DIP2C: variants seen among roughly 807,000 people sequenced by gnomAD.
DIP2C encodes the protein disco-interacting protein 2 homolog C.
In DIP2C, 33 loss-of-function variants were observed where a neutral mutation model predicts 192.4. That is an observed-to-expected ratio of 0.17 (90% CI 0.13 to 0.23). The LOEUF (loss-of-function observed/expected upper bound fraction) is 0.23, where lower values mean the gene tolerates loss of function less well. Ranked by LOEUF, DIP2C falls within the 10% of genes least tolerant of loss-of-function variation. The pLI, the probability that DIP2C is intolerant of heterozygous loss-of-function variation, is 1.00. For synonymous variants in DIP2C, 979 were observed against 864.1 expected (o/e 1.13, Z -2.33); for missense variants, 1,537 against 2,110.1 (o/e 0.73, Z 5.32).
rs140637166 is a variant in DIP2C, at chr10:297,241, T to TACACACACACACACACACACAC, written c.3987-8842_3987-8821dup. ...ACCAACCCCCCCCCACCCCACCACA[T>TACACACACACACACACACACAC]ACACACACACACACACACACACACA... is the stretch of plus-strand genomic sequence containing the variant. On this transcript the variant is annotated intron_variant, in intron 32 of 36. Transcript: ENST00000280886. Among the ~76,000 whole-genome samples, 23 of 115,550 alleles carry TACACACACACACACACACACAC rather than the reference T, an allele frequency of 2.0e-4. 1 individual carries two copies. Among genetic ancestry groups the TACACACACACACACACACACAC allele is most frequent in the African/African-American group, 7.9e-4 (23 of 29,202 alleles). 75.8% of individuals were successfully genotyped at this position (115,550 alleles called of 152,430 possible).
intron 3 of DIP2C, among the ~76,000 whole-genome samples, chr10:466,109 G>A (rs1386068879): frequency 4.1e-5 from 6 of 147,542 alleles, no homozygotes; most frequent in African/African-American, 1.5e-4. Flanking sequence ...GAACAAAGCT[G>A]GAGGCATCAC....
chr10:629,986 A>C (rs915601469), intron 1 of DIP2C: 3 of 152,238 alleles, frequency 2.0e-5, no homozygotes, highest in Admixed American at 6.5e-5. Context: ...CCTATTCCCC[A>C]CAGTGTCCCC....
At chr10:348,551 G>A (rs1958632093) in intron 26 of DIP2C, 90 bp downstream of exon 26, 1 of 1,542,012 alleles carries the variant, frequency 6.5e-7, no homozygotes, top group African/African-American at 1.4e-5. Context: ...ACAGCCAGCA[G>A]CTGCCCCAAG....
rs569594986 is a variant in DIP2C at position 527,032 on chromosome 10, A to G, written c.86-40502T>C. Reference sequence around the variant, plus strand: ...GGTAAGGGCAGCCGTCCTGGGGGACAGCTGTCTGCAGTGAGCCACCACACA... The same window carrying G: ...GGTAAGGGCAGCCGTCCTGGGGGACGGCTGTCTGCAGTGAGCCACCACACA... On this transcript the variant is annotated intron_variant, in intron 1 of 36. Coordinates refer to ENST00000280886, the MANE Select transcript of DIP2C (RefSeq NM_014974.3). Among the ~76,000 whole-genome samples, 7 of 152,318 alleles carry G rather than the reference A, an allele frequency of 4.6e-5. No individual in the cohort carries two copies. The South Asian group carries it at 1.2e-3, about 27-fold the overall frequency.
chr10:495,664 C>T (rs1166786371), intron 1 of DIP2C, among the ~76,000 whole-genome samples: 1 of 152,074 alleles, frequency 6.6e-6, no homozygotes, highest in African/African-American at 2.4e-5. Context: ...CTGTGATGCT[C>T]AAGTCCCTGA....
intron 17 of DIP2C, among the ~76,000 whole-genome samples, chr10:377,821 G>A (rs969530776): frequency 3.9e-5 from 6 of 152,128 alleles, no homozygotes; most frequent in East Asian, 1.9e-4. Context: ...TGGTGACAAG[G>A]GGGTATTTTA....
At chr10:339,461 C>G (rs892613692) in intron 29 of DIP2C, among the ~76,000 whole-genome samples, 2 of 150,694 alleles carry the variant, frequency 1.3e-5, no homozygotes, top group Non-Finnish European at 3.0e-5. Context: ...ATTGTGGGTT[C>G]ACACGGAGAA....
rs570448364 is a variant in DIP2C at position 384,312 on chromosome 10, C to T, written c.1757-166G>A. 7.0e-5 allele frequency among the ~76,000 whole-genome samples: 9 copies of T among 128,698 alleles called. No individual in the cohort carries two copies. In the South Asian group the frequency reaches 2.5e-3, roughly 35 times the overall value. The allele number at this position is 128,698 out of a possible 152,430, so 84.4% of individuals were successfully genotyped here. A position where few individuals can be genotyped will look rare whatever the true frequency, so the allele number is the denominator to read the frequency against. On this transcript the variant is annotated intron_variant, in intron 15 of 36. Transcript: ENST00000280886. ...TTTTTTTTTTTTTGTGATCTTGGCTCACCGCAACCTCCTTCTCCTGGGTTC... is the reference window on the plus strand; with the variant it reads ...TTTTTTTTTTTTTGTGATCTTGGCTTACCGCAACCTCCTTCTCCTGGGTTC...
chr10:591,369 C>T (rs1335807010), intron 1 of DIP2C, among the ~76,000 whole-genome samples: 1 of 152,182 alleles, frequency 6.6e-6, no homozygotes, highest in African/African-American at 2.4e-5. Context: ...AGGTGATCCA[C>T]CTGCCTCGGC....
intron 31 of DIP2C, chr10:311,536 C>T (rs1350537550): frequency 8.1e-7 from 1 of 1,232,436 alleles, no homozygotes; most frequent in East Asian, 3.2e-5. Context: ...AAGTCCCCTA[C>T]CTGCTCGGCC....
Position 363,278 on chromosome 10 carries a change from G to A in DIP2C, c.2511C>T (p.Asp837=), listed in dbSNP as rs199725116. Residue 837 remains aspartate (D), a synonymous_variant, in exon 21 of 37, where the codon GAC becomes GAT. Coordinates refer to ENST00000280886, the MANE Select transcript of DIP2C (RefSeq NM_014974.3). This position sits in a 1 kb window ranked among gnomAD's most constrained non-coding sequence, Gnocchi z 5.4. ...IAVFSVTVLH[D]ERIVIVAEQR... Reference sequence around the variant, plus strand: ...GCTCAGCCACGATCACGATCCTCTCGTCGTGCAGCACGGTCACCGAGAACA... The same window carrying A: ...GCTCAGCCACGATCACGATCCTCTCATCGTGCAGCACGGTCACCGAGAACA... The A allele has an allele frequency of 1.7e-5, 28 of 1,612,770 alleles. No individual in the cohort carries two copies. Among genetic ancestry groups the A allele is most frequent in the African/African-American group, 9.3e-5 (7 of 74,980 alleles).
In DIP2C at chr10:367,805, G is replaced by A. The variant is rs527750502; in HGVS notation, c.2132-1394C>T. ...AAAGGACCCTCAGGATAAAACATGC[G>A]TATGTACGCAGTACTCCATCATGAC... On this transcript the variant is annotated intron_variant, in intron 18 of 36. Coordinates refer to ENST00000280886, the MANE Select transcript of DIP2C (RefSeq NM_014974.3). Among the ~76,000 whole-genome samples, 28 of 152,362 alleles carry A rather than the reference G, an allele frequency of 1.8e-4. No individual in the cohort carries two copies. In the South Asian group the frequency reaches 5.4e-3, roughly 29 times the overall value.
intron 3 of DIP2C, among the ~76,000 whole-genome samples, chr10:463,317 C>T (rs1304074153): frequency 6.6e-6 from 1 of 152,166 alleles, no homozygotes; most frequent in Non-Finnish European, 1.5e-5. Flanking sequence ...GATACAAAAT[C>T]AATGTGCAAA....
chr10:277,419 G>T lies in DIP2C; in HGVS notation c.4577C>A (p.Pro1526His). ...CTGCTTCTCCCCACGGGAGTTGATG[G>T]GGATGACGCCGATGTCCACCACGAC... Reference protein sequence around the residue: ...VVVVVDIGVIPINSRGEKQRM... With the variant: ...VVVVVDIGVIHINSRGEKQRM... The change falls in exon 37 of 37, where the codon CCC becomes CAC. Residue 1526 changes from proline (P) to histidine (H), a missense_variant. This residue lies in a region of DIP2C where 341 missense variants were observed against 551.7 expected (regional missense o/e 0.62). Coordinates refer to ENST00000280886, the MANE Select transcript of DIP2C (RefSeq NM_014974.3). 3 of 1,614,144 alleles carry T rather than the reference G, an allele frequency of 1.9e-6. No individual in the cohort carries two copies. The highest frequency in any genetic ancestry group is 2.5e-6 in the Non-Finnish European group (3 of 1,180,036).
At position 285,017 on chromosome 10, in the gene DIP2C, G is replaced by A. The variant is rs111344398; in HGVS notation, c.4119+1256C>T. ...CCCGTGAGGACACCCTCCAGGTGCC[G>A]GAGAAGCAGGCTCTGCTTCCAGCTT... On this transcript the variant is annotated intron_variant, in intron 34 of 36. Transcript: ENST00000280886. Among the ~76,000 whole-genome samples the A allele has an allele frequency of 8.7e-3, 1,323 of 152,242 alleles. 24 individuals are homozygous for A. The highest frequency in any genetic ancestry group is 0.03 in the African/African-American group (1,263 of 41,528).
intron 20 of DIP2C, among the ~76,000 whole-genome samples, chr10:364,039 T>C (rs1416258583): frequency 6.6e-6 from 1 of 152,224 alleles, no homozygotes; most frequent in South Asian, 2.1e-4. Context: ...ACCATTGTCC[T>C]TGGGTCTCTC....
intron 4 of DIP2C, among the ~76,000 whole-genome samples, chr10:424,354 G>GTTTTTTTTT (rs1564695965): frequency 4.1e-5 from 5 of 121,038 alleles, no homozygotes; most frequent in African/African-American, 1.0e-4. Flanking sequence ...TATCACCTTG[G>GTTTTTTTTT]GTTTTTTTTT....
intron 1 of DIP2C, among the ~76,000 whole-genome samples, chr10:565,427 CAT>C (rs1411765484): frequency 2.0e-5 from 3 of 149,426 alleles, no homozygotes; most frequent in East Asian, 2.0e-4. Flanking sequence ...CAAAACCACA[CAT>C]CTCACATGCA....
At chr10:454,217 G>C (rs1446890905) in intron 3 of DIP2C, among the ~76,000 whole-genome samples, 1 of 152,210 alleles carries the variant, frequency 6.6e-6, no homozygotes, top group African/African-American at 2.4e-5. Flanking sequence ...TTAAGAGAAG[G>C]GCTTATTCAG....
Sources: allele counts gnomAD v4.1 joint callset (sites outside exome capture counted in the v4.1 genomes callset), GRCh38; gene constraint gnomAD v4.1.1; regional missense constraint gnomAD v4.1.1; non-coding constraint Gnocchi (gnomAD v3.1); transcripts MANE v1.5; gene names NCBI Gene and HGNC (gene_info 2026-07-23, HGNC 2026-07-21).